The following PCED1B variants were observed in gnomAD, a reference collection of about 807,000 sequenced individuals.
PCED1B encodes PC-esterase domain-containing protein 1B.
For missense variants in PCED1B, 573 were observed against 573.9 expected, an observed-to-expected ratio of 1.00 and a Z score of 0.02; for synonymous variants, 251 against 246.1, an observed-to-expected ratio of 1.02 and a Z score of -0.19.
intron 3 of PCED1B, among the ~76,000 whole-genome samples, chr12:47,220,180 T>C (rs1329443978): frequency 6.6e-6 from 1 of 152,076 alleles, no homozygotes; most frequent in East Asian, 1.9e-4. Flanking sequence ...TTATTTTTAA[T>C]TTATTTTTTG....
chr12:47,233,291 G>A (rs900594158), intron 3 of PCED1B, among the ~76,000 whole-genome samples: 5 of 152,100 alleles, frequency 3.3e-5, no homozygotes, highest in African/African-American at 4.8e-5. Context: ...TCAGGTGTCC[G>A]CCACCACGCC....
chr12:47,094,098 A>G (rs1938376053), intron 1 of PCED1B, among the ~76,000 whole-genome samples: 1 of 151,746 alleles, frequency 6.6e-6, no homozygotes, highest in South Asian at 2.1e-4. Context: ...TGTTTAGTTT[A>G]TTTTGAAGCT....
intron 2 of PCED1B, among the ~76,000 whole-genome samples, chr12:47,144,659 A>T (rs886349607): frequency 3.3e-5 from 5 of 152,180 alleles, no homozygotes; most frequent in African/African-American, 1.2e-4. Flanking sequence ...TATGTGATGG[A>T]CCCAAGGGAA....
chr12:47,104,376 G>A (rs1938852593), intron 2 of PCED1B, among the ~76,000 whole-genome samples, 181 bp downstream of exon 2: 1 of 152,132 alleles, frequency 6.6e-6, no homozygotes, highest in South Asian at 2.1e-4. Context: ...TTATATAACT[G>A]GAATGATAAT....
At chr12:47,122,891 C>T (rs1007830177) in intron 2 of PCED1B, among the ~76,000 whole-genome samples, 4 of 152,154 alleles carry the variant, frequency 2.6e-5, no homozygotes, top group African/African-American at 9.7e-5. Flanking sequence ...ATGTCACTGA[C>T]CTCCTGGAGA....
chr12:47,131,028 TCA>T (rs1290724498), intron 2 of PCED1B, among the ~76,000 whole-genome samples: 1 of 152,204 alleles, frequency 6.6e-6, no homozygotes, highest in Non-Finnish European at 1.5e-5. Flanking sequence ...TTCAGTATGT[TCA>T]GTCATCCGCC....
intron 2 of PCED1B, among the ~76,000 whole-genome samples, chr12:47,166,421 G>T (rs1343384220): frequency 6.6e-6 from 1 of 152,064 alleles, no homozygotes; most frequent in African/African-American, 2.4e-5. Context: ...GCTTTAACTG[G>T]CTTTGTTTTT....
intron 2 of PCED1B, among the ~76,000 whole-genome samples, chr12:47,139,523 G>A (rs1413215517): frequency 1.3e-5 from 2 of 152,214 alleles, no homozygotes; most frequent in South Asian, 2.1e-4. Context: ...ACAAGGCAAA[G>A]AGGAAGGCGT....
At chr12:47,203,838 T>TA (rs1942839341) in intron 2 of PCED1B, among the ~76,000 whole-genome samples, 1 of 152,190 alleles carries the variant, frequency 6.6e-6, no homozygotes, top group Non-Finnish European at 1.5e-5. Context: ...GGTAATGGGA[T>TA]TGCTGGGTCT....
At chr12:47,223,112 AAGAG>A (rs377711497) in intron 3 of PCED1B, among the ~76,000 whole-genome samples, 29 of 151,618 alleles carry the variant, frequency 1.9e-4, no homozygotes, top group African/African-American at 5.8e-4. Flanking sequence ...AAATAAGAAA[AAGAG>A]AGAGAGAGAG....
At chr12:47,081,679 AAT>A (rs1405209732) in intron 1 of PCED1B, among the ~76,000 whole-genome samples, 1 of 152,230 alleles carries the variant, frequency 6.6e-6, no homozygotes, top group African/African-American at 2.4e-5. Context: ...ATAGAGTTAG[AAT>A]AGTTAATACA....
intron 2 of PCED1B, among the ~76,000 whole-genome samples, chr12:47,129,654 C>T (rs1940041954): frequency 6.6e-6 from 1 of 151,962 alleles, no homozygotes; most frequent in Admixed American, 6.6e-5. Flanking sequence ...ATTCTCATGC[C>T]AGGTTATATA....
At chr12:47,145,357 CTGA>C (rs1333601652) in intron 2 of PCED1B, among the ~76,000 whole-genome samples, 1 of 152,140 alleles carries the variant, frequency 6.6e-6, no homozygotes, top group African/African-American at 2.4e-5. Flanking sequence ...GCAACAAGTG[CTGA>C]TGTAGAAGCT....
At chr12:47,155,588 A>G (rs952323302) in intron 2 of PCED1B, among the ~76,000 whole-genome samples, 6 of 152,190 alleles carry the variant, frequency 3.9e-5, no homozygotes, top group Non-Finnish European at 7.3e-5. Flanking sequence ...ATTATTTCCA[A>G]TCCTTTCAAC....
intron 2 of PCED1B, among the ~76,000 whole-genome samples, chr12:47,140,288 C>G (rs892391505): frequency 1.3e-5 from 2 of 152,154 alleles, no homozygotes; most frequent in African/African-American, 4.8e-5. Flanking sequence ...TATAATGCAG[C>G]AAAGCACAGA....
intron 1 of PCED1B, among the ~76,000 whole-genome samples, chr12:47,094,057 T>C (rs1355178085): frequency 2.0e-5 from 3 of 152,274 alleles, no homozygotes; most frequent in Non-Finnish European, 4.4e-5. Context: ...TGCTGATTTG[T>C]ACATTTTTTT....
chr12:47,172,049 T>C (rs1389720062), intron 2 of PCED1B, among the ~76,000 whole-genome samples: 2 of 152,178 alleles, frequency 1.3e-5, no homozygotes, highest in African/African-American at 4.8e-5. Flanking sequence ...TCTAAGTGTG[T>C]GGACCTTGGT....
chr12:47,178,560 GA>G lies in PCED1B; in HGVS notation c.-525-37655del, dbSNP rs199845953. ...TTGCCTCCATCTCAAAAAATAAAGG[GA>G]AAAAAAGCATAGAAAATTGGGATGA... On this transcript the variant is annotated intron_variant, in intron 2 of 3. Coordinates refer to ENST00000546455, the MANE Select transcript of PCED1B (RefSeq NM_138371.3). Among the ~76,000 whole-genome samples the G allele has an allele frequency of 2.8e-3, 433 of 151,942 alleles. 6 individuals are homozygous for G. The highest frequency in any genetic ancestry group is 0.01 in the African/African-American group (420 of 41,462).
intron 2 of PCED1B, chr12:47,206,104 T>A (rs1395429051): frequency 6.6e-6 from 1 of 152,218 alleles, no homozygotes; most frequent in Admixed American, 6.5e-5. Flanking sequence ...TGAACCAGTT[T>A]ACCGATCTGG....
Sources: allele counts gnomAD v4.1 joint callset (sites outside exome capture counted in the v4.1 genomes callset), GRCh38; gene constraint gnomAD v4.1.1; transcripts MANE v1.5; gene names NCBI Gene and HGNC (gene_info 2026-07-23, HGNC 2026-07-21).